The following LDB2 variants were observed in gnomAD, a reference collection of about 807,000 sequenced individuals.
LDB2 encodes LIM domain binding 2, also known as LIM domain-binding protein 2.
Under a neutral mutation model 44.3 loss-of-function variants are expected in LDB2, and 12 were observed. The ratio of observed to expected loss-of-function variants is 0.27; its 90% CI spans 0.17 to 0.44. LDB2 has a LOEUF of 0.44. Ranked by LOEUF, LDB2 falls within the 20% of genes least tolerant of loss-of-function variation. LDB2 has a pLI of 1.00. For synonymous variants in LDB2, 164 were observed against 174.8 expected, an observed-to-expected ratio of 0.94 and a Z score of 0.49; for missense variants, 344 against 473.5, an observed-to-expected ratio of 0.73 and a Z score of 2.54.
chr4:16,647,787 T>C (rs1174299199), intron 2 of LDB2, among the ~76,000 whole-genome samples: 1 of 152,206 alleles, frequency 6.6e-6, no homozygotes, highest in African/African-American at 2.4e-5. Context: ...GGTGAATTCC[T>C]ATTCAAATAC....
intron 2 of LDB2, among the ~76,000 whole-genome samples, chr4:16,725,274 A>G (rs1463127204): frequency 6.6e-6 from 1 of 152,050 alleles, no homozygotes; most frequent in Non-Finnish European, 1.5e-5. Flanking sequence ...ACACACACGC[A>G]CATATATACA....
chr4:16,873,512 AT>A (rs1435407036), intron 1 of LDB2, among the ~76,000 whole-genome samples: 1 of 152,026 alleles, frequency 6.6e-6, no homozygotes, highest in Non-Finnish European at 1.5e-5. Flanking sequence ...AAAAAAAAAA[AT>A]GTTCTTTGTC....
intron 2 of LDB2, among the ~76,000 whole-genome samples, chr4:16,611,736 G>T (rs1251218844): frequency 1.3e-5 from 2 of 152,128 alleles, no homozygotes; most frequent in Non-Finnish European, 2.9e-5. Flanking sequence ...GACCTACAAT[G>T]AGACTTAGGC....
intron 5 of LDB2, among the ~76,000 whole-genome samples, chr4:16,534,682 C>T (rs1047190017): frequency 6.6e-6 from 1 of 152,144 alleles, no homozygotes; most frequent in African/African-American, 2.4e-5. Flanking sequence ...TTGTTATTTT[C>T]ACTTTCTAAG....
At chr4:16,778,054 C>A (rs1772340585) in intron 1 of LDB2, among the ~76,000 whole-genome samples, 1 of 152,128 alleles carries the variant, frequency 6.6e-6, no homozygotes, top group Non-Finnish European at 1.5e-5. Flanking sequence ...TATGACACTA[C>A]CTGGTTGCCA....
intron 1 of LDB2, among the ~76,000 whole-genome samples, chr4:16,786,299 G>A (rs1424434391): frequency 6.6e-6 from 1 of 152,136 alleles, no homozygotes; most frequent in Non-Finnish European, 1.5e-5. Context: ...GCTGTAGTCG[G>A]CATCGTTATC....
chr4:16,829,938 C>G (rs1414549528), intron 1 of LDB2, among the ~76,000 whole-genome samples: 2 of 152,014 alleles, frequency 1.3e-5, no homozygotes, highest in Non-Finnish European at 2.9e-5. Context: ...AACCCTGTCT[C>G]TACTAAAAAT....
intron 1 of LDB2, among the ~76,000 whole-genome samples, chr4:16,805,720 C>G (rs969140598): frequency 6.6e-6 from 1 of 152,120 alleles, no homozygotes; most frequent in South Asian, 2.1e-4. Context: ...ATTACAGGGA[C>G]GAAAGATGAT....
At chr4:16,891,143 C>T (rs1341045285) in intron 1 of LDB2, among the ~76,000 whole-genome samples, 1 of 148,026 alleles carries the variant, frequency 6.8e-6, no homozygotes, top group Non-Finnish European at 1.5e-5. Flanking sequence ...CTGTTTAAAA[C>T]AATAAAAACA....
intron 1 of LDB2, among the ~76,000 whole-genome samples, chr4:16,882,900 T>C (rs1205498185): frequency 1.3e-5 from 2 of 152,350 alleles, no homozygotes; most frequent in South Asian, 2.1e-4. Context: ...GCTTATTTTC[T>C]AGTCTTAGTT....
chr4:16,634,386 T>C (rs150068572), intron 2 of LDB2, among the ~76,000 whole-genome samples: 2,185 of 147,728 alleles, frequency 0.015, 30 homozygotes, highest in South Asian at 0.047. Context: ...ATTTTTGCAA[T>C]CTATCCATCT....
chr4:16,738,810 T>C (rs767527002), intron 2 of LDB2, among the ~76,000 whole-genome samples: 6 of 152,238 alleles, frequency 3.9e-5, no homozygotes, highest in Non-Finnish European at 8.8e-5. Flanking sequence ...CAGTCCCATA[T>C]TGAATAAATT....
At chr4:16,843,573 C>A (rs1324694515) in intron 1 of LDB2, among the ~76,000 whole-genome samples, 17 of 152,118 alleles carry the variant, frequency 1.1e-4, no homozygotes, top group Non-Finnish European at 1.8e-4. Flanking sequence ...AGCATAAAAA[C>A]AGGGTGCCAT....
intron 1 of LDB2, among the ~76,000 whole-genome samples, chr4:16,843,415 A>AAATGAGTG (rs771292954): frequency 6.6e-6 from 1 of 152,160 alleles, no homozygotes; most frequent in South Asian, 2.1e-4. Context: ...AAACAGTTGT[A>AAATGAGTG]AATGAGTGAA....
chr4:16,601,417 A>G (rs1722548098), intron 2 of LDB2, among the ~76,000 whole-genome samples: 1 of 152,156 alleles, frequency 6.6e-6, no homozygotes, highest in African/African-American at 2.4e-5. Context: ...CACTTCCAAG[A>G]AACAGAAGGG....
At chr4:16,552,261 T>C (rs1737937039) in intron 5 of LDB2, among the ~76,000 whole-genome samples, 1 of 152,232 alleles carries the variant, frequency 6.6e-6, no homozygotes, top group African/African-American at 2.4e-5. Flanking sequence ...ATATTTCAGA[T>C]GGCGGTGACC....
intron 1 of LDB2, among the ~76,000 whole-genome samples, chr4:16,808,888 C>T (rs1779268707): frequency 6.6e-6 from 1 of 152,134 alleles, no homozygotes; most frequent in Admixed American, 6.5e-5. Context: ...AATCTGTGGT[C>T]CCCTTGCATG....
At chr4:16,796,390 A>G (rs77818925) in intron 1 of LDB2, among the ~76,000 whole-genome samples, 5,596 of 152,296 alleles carry the variant, frequency 0.037, 341 homozygotes, top group African/African-American at 0.13. Flanking sequence ...AGTAGCAATG[A>G]GTGACCAAAA....
intron 2 of LDB2, among the ~76,000 whole-genome samples, chr4:16,731,804 T>A (rs1760823027): frequency 6.6e-6 from 1 of 152,178 alleles, no homozygotes; most frequent in Admixed American, 6.5e-5. Flanking sequence ...AAGGCTGTCT[T>A]CAGCTGGTAA....
Sources: gnomAD v4.1 joint callset for allele counts (sites outside exome capture counted in the v4.1 genomes callset) on GRCh38, gnomAD v4.1.1 for gene constraint, MANE v1.5 for transcripts, NCBI Gene and HGNC (gene_info 2026-07-23, HGNC 2026-07-21) for gene names.